The following RLN2 variants were observed in gnomAD, a reference collection of about 807,000 sequenced individuals.
RLN2 encodes the protein prorelaxin H2.
In RLN2, 10 loss-of-function variants were observed where a neutral mutation model predicts 7.3. The ratio of observed to expected loss-of-function variants is 1.36; its 90% CI spans 0.84 to 2.31. The LOEUF is 2.31. Ranked by LOEUF, RLN2 falls within the 30% of genes most tolerant of loss-of-function variation. The pLI is 0.00. For missense variants in RLN2, 298 were observed against 217.6 expected, an observed-to-expected ratio of 1.37 and a Z score of -2.32; for synonymous variants, 103 against 82.3, an observed-to-expected ratio of 1.25 and a Z score of -1.36.
chr9:5,328,652 A>G, the RLN2 span, among the ~76,000 whole-genome samples: 1 of 152,060 alleles, frequency 6.6e-6, no homozygotes. Context: ...TGTTAAGGGC[A>G]GCCAGAGAGA....
chr9:5,300,264 T>A lies in RLN2; in HGVS notation c.392A>T (p.Lys131Ile). ...TTCACTTTGTCTATTGCGAATAAGT[T>A]TCTTAAATTCTTCAAAGAGAAGACT... The part of the protein sequence containing the change: ...DSSLLFEEFK[K>I]LIRNRQSEAA... Residue 131 changes from lysine (K) to isoleucine (I), a missense_variant, in exon 2 of 2, where the codon AAA becomes ATA. Coordinates refer to ENST00000381627, the MANE Select transcript of RLN2 (RefSeq NM_134441.3). 1.2e-6 allele frequency: 2 copies of A among 1,614,024 alleles called. No individual in the cohort carries two copies. The highest frequency in any genetic ancestry group is 1.7e-6 in the Non-Finnish European group (2 of 1,179,954).
chr9:5,334,655 G>A, the RLN2 span, among the ~76,000 whole-genome samples: 2 of 151,780 alleles, frequency 1.3e-5, no homozygotes, highest in Non-Finnish European at 2.9e-5. Context: ...TAAGTTTTAT[G>A]GACACTAGAA....
chr9:5,317,430 C>T, the RLN2 span, among the ~76,000 whole-genome samples: 8 of 147,954 alleles, frequency 5.4e-5, no homozygotes, highest in South Asian at 1.1e-3. Flanking sequence ...CCAGCCTGGG[C>T]AACAGAGTGA....
At chr9:5,321,349 T>C in the RLN2 span, among the ~76,000 whole-genome samples, 6 of 152,160 alleles carry the variant, frequency 3.9e-5, no homozygotes, top group African/African-American at 1.4e-4. Context: ...TTTCCCCTCA[T>C]TTTATTCACG....
rs1816195752 is a variant in RLN2, at chr9:5,304,403, C to T, written c.178G>A (p.Glu60Lys). The T allele has an allele frequency of 1.2e-6, 2 of 1,609,058 alleles. No homozygotes were observed. The highest frequency in any genetic ancestry group is 1.7e-6 in the Non-Finnish European group (2 of 1,178,424). ...GGTCTAGGTGTCTGAGGAGCATCTT[C>T]CTGGCTCAGAGACCTTTTGCTCCAG... ...STWSKRSLSQ[E>K]DAPQTPRPVA... The change falls in exon 1 of 2, where the codon GAA becomes AAA. Residue 60 changes from glutamate (E) to lysine (K), a missense_variant. Coordinates refer to ENST00000381627, the MANE Select transcript of RLN2 (RefSeq NM_134441.3).
At chr9:5,316,050 A>T in the RLN2 span, among the ~76,000 whole-genome samples, 12 of 151,974 alleles carry the variant, frequency 7.9e-5, no homozygotes, top group Non-Finnish European at 1.3e-4. Flanking sequence ...TCAAATCCAA[A>T]ATACTCTAAT....
chr9:5,324,181 G>T, the RLN2 span, among the ~76,000 whole-genome samples: 1 of 152,026 alleles, frequency 6.6e-6, no homozygotes, highest in African/African-American at 2.4e-5. Flanking sequence ...ATGTTAAAGT[G>T]CAGGGTCTAC....
the RLN2 span, among the ~76,000 whole-genome samples, chr9:5,328,300 G>C: frequency 1.3e-5 from 2 of 152,028 alleles, 1 homozygote; most frequent in African/African-American, 4.8e-5. Context: ...TCAAGTGGAA[G>C]AAAGGATATC....
At chr9:5,326,694 T>C in the RLN2 span, among the ~76,000 whole-genome samples, 1 of 152,100 alleles carries the variant, frequency 6.6e-6, no homozygotes, top group African/African-American at 2.4e-5. Flanking sequence ...AGACTATTTT[T>C]AGCGTTCTTG....
At chr9:5,323,230 G>A in the RLN2 span, among the ~76,000 whole-genome samples, 1 of 151,762 alleles carries the variant, frequency 6.6e-6, no homozygotes, top group East Asian at 1.9e-4. Context: ...GCTGCTTCCT[G>A]GAGTCTCATA....
At chr9:5,337,055 G>T in the RLN2 span, among the ~76,000 whole-genome samples, 1 of 152,008 alleles carries the variant, frequency 6.6e-6, no homozygotes, top group Non-Finnish European at 1.5e-5. Flanking sequence ...TAACACTCTC[G>T]CTCATCCACA....
At chr9:5,335,175 C>A in the RLN2 span, 2,700 of 802,726 alleles carry the variant, frequency 3.4e-3, 77 homozygotes, top group African/African-American at 0.043. Flanking sequence ...ATTAGTGGGA[C>A]CTGACAGAAG....
intron 1 of RLN2, among the ~76,000 whole-genome samples, chr9:5,301,833 A>G (rs1816147474): frequency 6.6e-6 from 1 of 151,458 alleles, no homozygotes; most frequent in Admixed American, 6.6e-5. Flanking sequence ...TGACAGAGGA[A>G]TAAAAAAAAA....
chr9:5,328,632 A>G, the RLN2 span, among the ~76,000 whole-genome samples: 1 of 152,038 alleles, frequency 6.6e-6, no homozygotes, highest in South Asian at 2.1e-4. Context: ...GGTTGAAATG[A>G]AGGAAAAAAT....
chr9:5,305,606 G>T (rs576682838), upstream of RLN2, among the ~76,000 whole-genome samples: 1 of 151,910 alleles, frequency 6.6e-6, no homozygotes, highest in South Asian at 2.1e-4. Context: ...AGGTAATATG[G>T]TTAGTAGACA....
upstream of RLN2, among the ~76,000 whole-genome samples, chr9:5,306,132 G>C (rs1398691016): frequency 1.6e-5 from 2 of 127,750 alleles, no homozygotes; most frequent in Non-Finnish European, 3.2e-5. Flanking sequence ...TTTTTTAACA[G>C]AATTTGGCTC....
the RLN2 span, among the ~76,000 whole-genome samples, chr9:5,336,960 T>G: frequency 6.6e-6 from 1 of 151,886 alleles, no homozygotes; most frequent in Non-Finnish European, 1.5e-5. Flanking sequence ...AACAACAAAC[T>G]TCAACAGTTG....
At chr9:5,317,865 G>A in the RLN2 span, among the ~76,000 whole-genome samples, 1 of 151,964 alleles carries the variant, frequency 6.6e-6, no homozygotes, top group Non-Finnish European at 1.5e-5. Context: ...CATTAGAATA[G>A]CAAAAATTTT....
At chr9:5,329,324 A>G in the RLN2 span, among the ~76,000 whole-genome samples, 152 of 150,474 alleles carry the variant, frequency 1.0e-3, 4 homozygotes, top group African/African-American at 3.4e-3. Flanking sequence ...AAAAAAAAAA[A>G]AAAAAGAAAA....
Sources: allele counts gnomAD v4.1 joint callset (sites outside exome capture counted in the v4.1 genomes callset), GRCh38; gene constraint gnomAD v4.1.1; transcripts MANE v1.5; gene names NCBI Gene and HGNC (gene_info 2026-07-23, HGNC 2026-07-21).